The following MAML1 variants were observed in gnomAD, a reference collection of about 807,000 sequenced individuals.
MAML1 encodes the protein mastermind like transcriptional coactivator 1, also known as mastermind-like protein 1.
Under a neutral mutation model 77.1 loss-of-function variants are expected in MAML1, and 14 were observed. The ratio of observed to expected loss-of-function variants is 0.18; its 90% CI spans 0.12 to 0.28. The LOEUF is 0.28. Ranked by LOEUF, MAML1 falls within the 10% of genes least tolerant of loss-of-function variation. The pLI is 1.00. For synonymous variants in MAML1, 516 were observed against 551.9 expected (o/e 0.93, Z 0.91); for missense variants, 1,217 against 1,327.8 (o/e 0.92, Z 1.30).
chr5:179,766,355 C>G lies in MAML1; in HGVS notation c.1345C>G (p.Pro449Ala), dbSNP rs1312873848. 2 of 1,604,918 alleles carry G rather than the reference C, an allele frequency of 1.2e-6. No individual in the cohort carries two copies. Among genetic ancestry groups the G allele is most frequent in the African/African-American group, 1.3e-5 (1 of 74,822 alleles). Residue 449 changes from proline to alanine, a missense_variant, in exon 2 of 5, where the codon CCT becomes GCT. Pro to Ala is a conservative substitution (Grantham distance 27, BLOSUM62 -1). This residue lies in a region of MAML1 where 884 missense variants were observed against 949.3 expected (regional missense o/e 0.93). Transcript: ENST00000292599. The surrounding 1 kb of genome is among the most constrained non-coding windows in gnomAD (Gnocchi z 4.0). ...AGATGTCCCTTACCCCATGGAGAAGCCTGCCAGCCCTTCCAGCTACAAGCA... is the reference window on the plus strand; with the variant it reads ...AGATGTCCCTTACCCCATGGAGAAGGCTGCCAGCCCTTCCAGCTACAAGCA... ...SLDVPYPMEKPASPSSYKQDF... is the reference protein window; with the variant it reads ...SLDVPYPMEKAASPSSYKQDF...
At chr5:179,770,220 G>T (rs963234922) in intron 3 of MAML1, among the ~76,000 whole-genome samples, 1 of 152,088 alleles carries the variant, frequency 6.6e-6, no homozygotes, top group Admixed American at 6.5e-5. Context: ...AGGCCGAGGT[G>T]GGCGGATCAC....
intron 1 of MAML1, among the ~76,000 whole-genome samples, chr5:179,741,904 T>A (rs1373063179): frequency 6.6e-6 from 1 of 151,876 alleles, no homozygotes; most frequent in Non-Finnish European, 1.5e-5. Context: ...TTTGTTTTAT[T>A]GATTTATTTT....
At chr5:179,760,121 T>A (rs1779699614) in intron 1 of MAML1, among the ~76,000 whole-genome samples, 1 of 151,992 alleles carries the variant, frequency 6.6e-6, no homozygotes, top group Non-Finnish European at 1.5e-5. Flanking sequence ...AGGGGCTCAG[T>A]AGGTCTTCGG....
At position 179,775,954 on chromosome 5, in the gene MAML1, A is replaced by G. The variant is rs909570848; in HGVS notation, c.*1077A>G. Reference sequence around the variant, plus strand: ...GCCGTAGGCCGGCCCGGAGGAAGCAATTCCACTTGGTTTGACAACTTCTGC... The same window carrying G: ...GCCGTAGGCCGGCCCGGAGGAAGCAGTTCCACTTGGTTTGACAACTTCTGC... On this transcript the variant is annotated 3_prime_UTR_variant, in exon 5 of 5. Coordinates refer to ENST00000292599, the MANE Select transcript of MAML1 (RefSeq NM_014757.5). 10 of 985,634 alleles carry G rather than the reference A, an allele frequency of 1.0e-5. No homozygotes were observed. In the African/African-American group the frequency reaches 1.7e-4, roughly 17 times the overall value. The allele number at this position is 985,634 out of a possible 1,614,324, so 61.1% of individuals were successfully genotyped here.
In MAML1 at chr5:179,775,679, G is replaced by A; in HGVS notation, c.*802G>A. 3 of 985,388 alleles carry A rather than the reference G, an allele frequency of 3.0e-6. No homozygotes were observed. Among genetic ancestry groups the A allele is most frequent in the Non-Finnish European group, 3.6e-6 (3 of 829,934 alleles). The allele number at this position is 985,388 out of a possible 1,614,324, so 61.0% of individuals were successfully genotyped here. On this transcript the variant is annotated 3_prime_UTR_variant, in exon 5 of 5. Transcript: ENST00000292599. ...TACATATGGAAGGTAGAGATGTGGGGGTCCTGTATCCTGGAGTATTATGTC... is the reference window on the plus strand; with the variant it reads ...TACATATGGAAGGTAGAGATGTGGGAGTCCTGTATCCTGGAGTATTATGTC...
chr5:179,740,175 G>A (rs940402786), intron 1 of MAML1, among the ~76,000 whole-genome samples: 1 of 152,140 alleles, frequency 6.6e-6, no homozygotes, highest in African/African-American at 2.4e-5. Context: ...TTCTGAGCTG[G>A]CATGAAGAAC....
At chr5:179,748,958 T>C (rs572417639) in intron 1 of MAML1, among the ~76,000 whole-genome samples, 1 of 151,146 alleles carries the variant, frequency 6.6e-6, no homozygotes, top group Non-Finnish European at 1.5e-5. Context: ...TTGTTTTTTT[T>C]TTTTTTGTTT....
intron 1 of MAML1, among the ~76,000 whole-genome samples, chr5:179,752,346 AAAAAAT>A (rs1195565726): frequency 1.2e-4 from 11 of 90,722 alleles, no homozygotes; most frequent in African/African-American, 5.4e-4. Context: ...AAAAAAAAAA[AAAAAAT>A]ATATATATAT....
At chr5:179,751,041 T>G (rs1015565442) in intron 1 of MAML1, among the ~76,000 whole-genome samples, 6 of 152,200 alleles carry the variant, frequency 3.9e-5, no homozygotes, top group African/African-American at 1.4e-4. Context: ...TGGCACGATC[T>G]TGGCTCACTG....
chr5:179,748,712 C>T (rs1779428954), intron 1 of MAML1, among the ~76,000 whole-genome samples: 1 of 152,156 alleles, frequency 6.6e-6, no homozygotes, highest in South Asian at 2.1e-4. Context: ...TAGACCTGCA[C>T]CAGGCATGGA....
At chr5:179,759,773 C>T (rs998835727) in intron 1 of MAML1, among the ~76,000 whole-genome samples, 1 of 152,208 alleles carries the variant, frequency 6.6e-6, no homozygotes, top group Non-Finnish European at 1.5e-5. Flanking sequence ...CCCAGTGAGC[C>T]ACGCTGGTGG....
rs570354715 is a variant in MAML1 at position 179,745,358 on chromosome 5, T to C, written c.315+11931T>C. 2.0e-5 allele frequency among the ~76,000 whole-genome samples: 3 copies of C among 152,292 alleles called. No homozygotes were observed. In the South Asian group the frequency reaches 6.2e-4, roughly 32 times the overall value. On this transcript the variant is annotated intron_variant, in intron 1 of 4. Transcript: ENST00000292599. Reference sequence around the variant, plus strand: ...CCAAAGTAAGAGTTCTCAGTTCAGTTCTTGTTTTTGTTTTTGTAAATTTAA... The same window carrying C: ...CCAAAGTAAGAGTTCTCAGTTCAGTCCTTGTTTTTGTTTTTGTAAATTTAA...
At position 179,765,372 on chromosome 5, in the gene MAML1, C is replaced by T. The variant is rs542745888; in HGVS notation, c.362C>T (p.Pro121Leu). The T allele has an allele frequency of 5.4e-5, 87 of 1,611,200 alleles. 1 individual carries two copies. The South Asian group carries it at 9.3e-4, about 17-fold the overall frequency. ...VKRNLDSATS[P>L]QNGDQQNGYG... ...AGGAATCTTGACAGCGCCACTTCCC[C>T]TCAGAATGGCGATCAACAGAATGGC... The change falls in exon 2 of 5, where the codon CCT becomes CTT. Residue 121 changes from proline (P) to leucine (L), a missense_variant. By Grantham distance (98) the Pro-to-Leu change is moderately conservative (BLOSUM62 -3). Coordinates refer to ENST00000292599, the MANE Select transcript of MAML1 (RefSeq NM_014757.5).
rs1756076899 is a variant in MAML1, at chr5:179,774,234, G to C, written c.2408G>C (p.Gly803Ala). 6.2e-7 allele frequency: 1 copy of C among 1,613,256 alleles called. No individual in the cohort carries two copies. Among genetic ancestry groups the C allele is most frequent in the Admixed American group, 1.7e-5 (1 of 59,968 alleles). ...VSAAYGQNSL[G>A]SSGLSQQHNK... is the part of the protein sequence containing the mutation. ...GCTGCCTATGGGCAGAACTCTCTGGGAAGCTCTGGCCTCTCCCAGCAGCAC... is the reference window on the plus strand; with the variant it reads ...GCTGCCTATGGGCAGAACTCTCTGGCAAGCTCTGGCCTCTCCCAGCAGCAC... Residue 803 changes from glycine (G) to alanine (A), a missense_variant, in exon 5 of 5, where the codon GGA becomes GCA. Around this residue, in one of 3 missense-constraint regions of MAML1, gnomAD observed 884 missense variants for 949.3 expected, o/e 0.93. Transcript: ENST00000292599.
chr5:179,763,482 G>A (rs1295205344), intron 1 of MAML1, among the ~76,000 whole-genome samples: 1 of 150,476 alleles, frequency 6.6e-6, no homozygotes, highest in Non-Finnish European at 1.5e-5. Flanking sequence ...GACCGACTTA[G>A]TTACCCATAT....
intron 1 of MAML1, among the ~76,000 whole-genome samples, chr5:179,743,046 C>CTTT (rs71001043): frequency 8.6e-5 from 6 of 69,828 alleles, no homozygotes; most frequent in African/African-American, 2.3e-4. Context: ...CCCCTTCACA[C>CTTT]TTTTTTTTTT....
At chr5:179,772,279 C>A (rs529831686) in intron 4 of MAML1, among the ~76,000 whole-genome samples, 1 of 152,038 alleles carries the variant, frequency 6.6e-6, no homozygotes, top group Non-Finnish European at 1.5e-5. Context: ...CCACCACGCC[C>A]GGCTCATTTT....
chr5:179,775,083 G>C lies in MAML1; in HGVS notation c.*206G>C. On this transcript the variant is annotated 3_prime_UTR_variant, in exon 5 of 5. Coordinates refer to ENST00000292599, the MANE Select transcript of MAML1 (RefSeq NM_014757.5). ...GTTGAGGTCCATCGGGCTGGCCCCAGCCCATCTGCTGGCATCAGTACCTGG... is the reference window on the plus strand; with the variant it reads ...GTTGAGGTCCATCGGGCTGGCCCCACCCCATCTGCTGGCATCAGTACCTGG... The C allele has an allele frequency of 7.3e-7, 1 of 1,378,218 alleles. No homozygotes were observed. The highest frequency in any genetic ancestry group is 9.4e-7 in the Non-Finnish European group (1 of 1,068,992). The allele number at this position is 1,378,218 out of a possible 1,614,324, so 85.4% of individuals were successfully genotyped here.
intron 4 of MAML1, among the ~76,000 whole-genome samples, chr5:179,772,182 G>A (rs1404773906): frequency 1.3e-5 from 2 of 152,260 alleles, no homozygotes; most frequent in East Asian, 1.9e-4. Flanking sequence ...GCAGTGGCAC[G>A]ATCTTGGCTC....
Sources: gnomAD v4.1 joint callset for allele counts (sites outside exome capture counted in the v4.1 genomes callset) on GRCh38, gnomAD v4.1.1 for gene constraint, gnomAD v4.1.1 regional missense constraint, Gnocchi (gnomAD v3.1) non-coding constraint, MANE v1.5 for transcripts, NCBI Gene and HGNC (gene_info 2026-07-23, HGNC 2026-07-21) for gene names.